Variants in LOXL2 observed in about 807,000 individuals in gnomAD.
LOXL2 encodes lysyl oxidase homolog 2.
A neutral mutation model predicts 93.0 loss-of-function variants in LOXL2; 70 were observed. That is an observed-to-expected ratio of 0.75 (90% CI 0.62 to 0.92). The LOEUF is 0.92. Among genes scored for constraint, LOXL2 ranks in the 40% least tolerant of loss-of-function variants. The probability of loss-of-function intolerance (pLI) is 0.00; values close to 1 mark genes in which losing one functional copy is unlikely to be tolerated. For synonymous variants in LOXL2, 438 were observed against 413.2 expected, an observed-to-expected ratio of 1.06 and a Z score of -0.73; for missense variants, 973 against 1,054.9, an observed-to-expected ratio of 0.92 and a Z score of 1.08.
rs1309404277 is a variant in LOXL2 at position 23,298,861 on chromosome 8, G to A, written c.2220C>T (p.Arg740=). The A allele has an allele frequency of 6.8e-6, 11 of 1,613,398 alleles. No homozygotes were observed. Among genetic ancestry groups the A allele is most frequent in the African/African-American group, 5.3e-5 (4 of 74,926 alleles). ...CTATGTGGCAGTTGTACATCCAGAT[G>A]CGGTGGCCGTCATAGCGGCTCCTGC... ...MKCRSRYDGH[R]IWMYNCHIGG... is the part of the protein sequence containing the mutation. Residue 740 remains arginine (R), a synonymous_variant, in exon 13 of 14, where the codon CGC becomes CGT. Coordinates refer to ENST00000389131, the MANE Select transcript of LOXL2 (RefSeq NM_002318.3).
intron 9 of LOXL2, among the ~76,000 whole-genome samples, chr8:23,313,309 G>A (rs1484313309): frequency 6.6e-6 from 1 of 152,074 alleles, no homozygotes; most frequent in Non-Finnish European, 1.5e-5. Context: ...TAAAGTTCAT[G>A]TGGAGCCAAA....
chr8:23,308,586 C>CA (rs1427858629), intron 10 of LOXL2, among the ~76,000 whole-genome samples: 1 of 152,040 alleles, frequency 6.6e-6, no homozygotes, highest in Non-Finnish European at 1.5e-5. Flanking sequence ...CAGGTCTGAG[C>CA]AAAAAAATCC....
In LOXL2 at chr8:23,351,615, T is replaced by C. The variant is rs948721480; in HGVS notation, c.531+8475A>G. 5.3e-5 allele frequency among the ~76,000 whole-genome samples: 8 copies of C among 152,374 alleles called. No individual in the cohort carries two copies. The South Asian group carries it at 1.7e-3, about 32-fold the overall frequency. ...TGGTTTATTTCATCTCACAGAGTTA[T>C]AATGGTATTTATACTTTTCAAAGCA... is the stretch of plus-strand genomic sequence containing the variant. On this transcript the variant is annotated intron_variant, in intron 3 of 13. Transcript: ENST00000389131.
intron 4 of LOXL2, among the ~76,000 whole-genome samples, chr8:23,339,415 G>A (rs569084054): frequency 4.0e-4 from 61 of 152,294 alleles, no homozygotes; most frequent in African/African-American, 1.4e-3. Flanking sequence ...GAGGGTGGGA[G>A]GGGCAGGATG....
intron 9 of LOXL2, among the ~76,000 whole-genome samples, chr8:23,310,300 T>C (rs1009297614): frequency 1.3e-5 from 2 of 152,188 alleles, no homozygotes; most frequent in Non-Finnish European, 2.9e-5. Context: ...CATAATAAAA[T>C]GCAAAAACAA....
intron 10 of LOXL2, among the ~76,000 whole-genome samples, chr8:23,308,309 T>C (rs1451823067): frequency 6.6e-6 from 1 of 152,212 alleles, no homozygotes; most frequent in Non-Finnish European, 1.5e-5. Context: ...GATGCTGATG[T>C]GTCGGTCTGC....
rs938311974 is a variant in LOXL2 at position 23,297,987 on chromosome 8, A to T, written c.*56T>A. 8 of 1,437,028 alleles carry T rather than the reference A, an allele frequency of 5.6e-6. No homozygotes were observed. Among genetic ancestry groups the T allele is most frequent in the African/African-American group, 2.8e-5 (2 of 71,576 alleles). 89.0% of individuals were successfully genotyped at this position (1,437,028 alleles called of 1,614,324 possible). On this transcript the variant is annotated 3_prime_UTR_variant, in exon 14 of 14. Coordinates refer to ENST00000389131, the MANE Select transcript of LOXL2 (RefSeq NM_002318.3). ...CGTTCAGACTCAGTTGTTGGGGGGA[A>T]GTCCCATGGAAGATGTGGTGTGGCC... is the stretch of plus-strand genomic sequence containing the variant.
intron 1 of LOXL2, among the ~76,000 whole-genome samples, chr8:23,382,171 C>A (rs1804689212): frequency 6.6e-6 from 1 of 152,168 alleles, no homozygotes; most frequent in African/African-American, 2.4e-5. Context: ...AAAACCATGT[C>A]CCCTTTTTCA....
intron 8 of LOXL2, 50 bp from the exon 9 acceptor site, chr8:23,317,164 C>G (rs2117154407): frequency 6.4e-7 from 1 of 1,572,506 alleles, no homozygotes; most frequent in South Asian, 1.1e-5. Flanking sequence ...CAAACTGTCA[C>G]TTTCTCATAT....
At chr8:23,383,119 G>T (rs1804703331) in intron 1 of LOXL2, among the ~76,000 whole-genome samples, 1 of 152,092 alleles carries the variant, frequency 6.6e-6, no homozygotes, top group Non-Finnish European at 1.5e-5. Context: ...TGGGACCTGT[G>T]GCCTTCCCGT....
intron 1 of LOXL2, among the ~76,000 whole-genome samples, chr8:23,394,772 A>G (rs903403780): frequency 1.4e-5 from 2 of 142,518 alleles, no homozygotes; most frequent in Non-Finnish European, 3.1e-5. Context: ...CCAAAATTGA[A>G]ACACATTGAA....
chr8:23,354,969 T>A (rs1804166840), intron 3 of LOXL2, among the ~76,000 whole-genome samples: 2 of 103,832 alleles, frequency 1.9e-5, no homozygotes, highest in African/African-American at 7.6e-5. Flanking sequence ...TTTTTTTTTT[T>A]TTTTTTTTGA....
intron 3 of LOXL2, among the ~76,000 whole-genome samples, chr8:23,353,048 G>A (rs62501393): frequency 4.6e-5 from 7 of 151,562 alleles, no homozygotes; most frequent in Non-Finnish European, 7.4e-5. Context: ...GGGAGGGATG[G>A]GGTGAAGAAA....
intron 10 of LOXL2, among the ~76,000 whole-genome samples, chr8:23,306,784 T>C (rs1803236858): frequency 6.6e-6 from 1 of 152,268 alleles, no homozygotes; most frequent in Admixed American, 6.5e-5. Context: ...GTGGAGCCTG[T>C]TGTGCATCTG....
At chr8:23,380,948 G>A (rs1804673166) in intron 1 of LOXL2, among the ~76,000 whole-genome samples, 1 of 152,176 alleles carries the variant, frequency 6.6e-6, no homozygotes, top group East Asian at 1.9e-4. Flanking sequence ...GGGAGGCGGA[G>A]GTTGCAGTGA....
rs929656869 is a variant in LOXL2, at chr8:23,296,984, A to G, written c.*1059T>C. On this transcript the variant is annotated 3_prime_UTR_variant, in exon 14 of 14. Coordinates refer to ENST00000389131, the MANE Select transcript of LOXL2 (RefSeq NM_002318.3). ...GTGATCTCCTTAGATTGCTTCTCCC[A>G]GATGGTAGGAGCTGCCCCTTTTGGA... 2.6e-5 allele frequency among the ~76,000 whole-genome samples: 4 copies of G among 152,178 alleles called. No individual in the cohort carries two copies. The highest frequency in any genetic ancestry group is 5.9e-5 in the Non-Finnish European group (4 of 68,028).
At chr8:23,339,973 G>T (rs952886655) in intron 4 of LOXL2, among the ~76,000 whole-genome samples, 1 of 152,196 alleles carries the variant, frequency 6.6e-6, no homozygotes, top group African/African-American at 2.4e-5. Flanking sequence ...GGAGCTGGTG[G>T]GTACAGCTGG....
intron 8 of LOXL2, among the ~76,000 whole-genome samples, chr8:23,317,699 A>G (rs1803424561): frequency 6.6e-6 from 1 of 152,188 alleles, no homozygotes; most frequent in Non-Finnish European, 1.5e-5. Flanking sequence ...GAGGCTTAGG[A>G]TGCTGGGATT....
chr8:23,328,616 G>T (rs1437225524), intron 5 of LOXL2, 51 bp from the exon 6 acceptor site: 1 of 1,570,020 alleles, frequency 6.4e-7, no homozygotes. Flanking sequence ...CACGTTCAGC[G>T]GGTGACCACT....
Sources: allele counts gnomAD v4.1 joint callset (sites outside exome capture counted in the v4.1 genomes callset), GRCh38; gene constraint gnomAD v4.1.1; transcripts MANE v1.5; gene names NCBI Gene and HGNC (gene_info 2026-07-23, HGNC 2026-07-21).